The following EIF4E2 variants were observed in gnomAD, a reference collection of about 807,000 sequenced individuals.
The protein encoded by EIF4E2 is eukaryotic translation initiation factor 4E type 2.
Under a neutral mutation model 34.2 loss-of-function variants are expected in EIF4E2, and 13 were observed. The ratio of observed to expected loss-of-function variants is 0.38; its 90% CI spans 0.25 to 0.60. The LOEUF (loss-of-function observed/expected upper bound fraction) is 0.60. Ranked by LOEUF, EIF4E2 falls within the 20% of genes least tolerant of loss-of-function variation. The pLI is 0.62. For synonymous variants in EIF4E2, 100 were observed against 106.6 expected, an observed-to-expected ratio of 0.94 and a Z score of 0.38; for missense variants, 222 against 315.1, an observed-to-expected ratio of 0.70 and a Z score of 2.24.
chr2:232,567,167 A>G lies in EIF4E2; in HGVS notation c.618A>G (p.Leu206=). The change falls in exon 6 of 7, where the codon CTA becomes CTG. Residue 206 remains leucine, a synonymous_variant. Coordinates refer to ENST00000258416, the MANE Select transcript of EIF4E2 (RefSeq NM_004846.4). The part of the protein sequence containing the change: ...IRDTLRRVLN[L]PPNTIMEYKT... Reference sequence around the variant, plus strand: ...ACACACTTCGGCGAGTGCTTAACCTACCTCCCAACACCATTATGGAATACA... The same window carrying G: ...ACACACTTCGGCGAGTGCTTAACCTGCCTCCCAACACCATTATGGAATACA... 6.2e-7 allele frequency: 1 copy of G among 1,614,072 alleles called. No individual in the cohort carries two copies. Among genetic ancestry groups the G allele is most frequent in the Non-Finnish European group, 8.5e-7 (1 of 1,180,016 alleles).
chr2:232,568,739 T>G, intron 6 of EIF4E2: 2 of 985,462 alleles, frequency 2.0e-6, no homozygotes, highest in Non-Finnish European at 2.4e-6. Flanking sequence ...TTACAGAGTT[T>G]AGGAGAGCCT....
At chr2:232,565,587 T>C (rs1692892694) in intron 4 of EIF4E2, among the ~76,000 whole-genome samples, 1 of 151,850 alleles carries the variant, frequency 6.6e-6, no homozygotes, top group Admixed American at 6.6e-5. Context: ...TGAGCCAAGA[T>C]TGTGCCACTG....
In EIF4E2 at chr2:232,556,548, A is replaced by G. The variant is rs993859399; in HGVS notation, c.135+18A>G. 3.9e-6 allele frequency: 6 copies of G among 1,551,170 alleles called. No homozygotes were observed. The highest frequency in any genetic ancestry group is 3.6e-5 in the Admixed American group (2 of 56,182). ...AGAGAAAGGTGAGTGTTGGCTGCAC[A>G]GATGTAGTTGCCTTTGAACTTGAGA... On this transcript the variant is annotated intron_variant, in intron 2 of 6. Transcript: ENST00000258416.
chr2:232,576,178 T>G (rs1241595215), intron 6 of EIF4E2, among the ~76,000 whole-genome samples: 2 of 150,402 alleles, frequency 1.3e-5, no homozygotes, highest in Non-Finnish European at 2.9e-5. Context: ...TACTCCAGCC[T>G]GGCAACAGAG....
At chr2:232,572,567 A>T (rs767382384), downstream of EIF4E2, among the ~76,000 whole-genome samples, 3 of 151,990 alleles carry the variant, frequency 2.0e-5, no homozygotes, top group Non-Finnish European at 4.4e-5. Context: ...GGGTTTCACC[A>T]TGTTTGCCAG....
At chr2:232,574,192 G>A, downstream of EIF4E2, 20 of 1,454,452 alleles carry the variant, frequency 1.4e-5, no homozygotes, top group Non-Finnish European at 1.7e-5. Context: ...TGGGGTTATT[G>A]TGTCTGCTCT....
intron 2 of EIF4E2, among the ~76,000 whole-genome samples, chr2:232,556,793 A>C (rs948483594): frequency 2.6e-5 from 4 of 152,238 alleles, no homozygotes; most frequent in African/African-American, 9.6e-5. Flanking sequence ...GAGCTTAACA[A>C]GGCTGTTAGC....
intron 1 of EIF4E2, chr2:232,551,211 G>A (rs1304756649): frequency 1.9e-5 from 9 of 480,834 alleles, no homozygotes; most frequent in Non-Finnish European, 3.4e-5. Context: ...TTTGGAGGAT[G>A]CAATGAGGTA....
chr2:232,579,125 C>CACAT (rs1165847626), intron 6 of EIF4E2, among the ~76,000 whole-genome samples: 1 of 5,988 alleles, frequency 1.7e-4, no homozygotes, highest in Non-Finnish European at 2.9e-4. Flanking sequence ...CTCAGAAATA[C>CACAT]ACACACACAC....
At chr2:232,582,644 T>A (rs1229184979) in exon 7 of EIF4E2, 1 of 152,224 alleles carries the variant, frequency 6.6e-6, no homozygotes, top group African/African-American at 2.4e-5. Context: ...AATTCAGATT[T>A]GCCGTGAAAA....
At chr2:232,552,025 A>G (rs1233508906) in intron 1 of EIF4E2, among the ~76,000 whole-genome samples, 1 of 152,134 alleles carries the variant, frequency 6.6e-6, no homozygotes, top group African/African-American at 2.4e-5. Context: ...CTCCAGATCC[A>G]AATCCTGCCT....
Position 232,567,063 on chromosome 2 carries a change from C to T in EIF4E2, c.529-15C>T. 1 of 1,611,344 alleles carries T rather than the reference C, an allele frequency of 6.2e-7. No homozygotes were observed. Among genetic ancestry groups the T allele is most frequent in the Non-Finnish European group, 8.5e-7 (1 of 1,178,470 alleles). Reference sequence around the variant, plus strand: ...CCCTGATTTGCTTTGATGATTCCTTCTGTTCCTCTGGTAGGAAGACATTAT... The same window carrying T: ...CCCTGATTTGCTTTGATGATTCCTTTTGTTCCTCTGGTAGGAAGACATTAT... On this transcript the variant is annotated splice_polypyrimidine_tract_variant and intron_variant, in intron 5 of 6. Coordinates refer to ENST00000258416, the MANE Select transcript of EIF4E2 (RefSeq NM_004846.4).
At chr2:232,552,387 A>AT (rs1019811505) in intron 1 of EIF4E2, among the ~76,000 whole-genome samples, 2 of 151,804 alleles carry the variant, frequency 1.3e-5, no homozygotes, top group Non-Finnish European at 2.9e-5. Flanking sequence ...ATTTTTTTGT[A>AT]TTTTTTGTAG....
chr2:232,573,358 A>T (rs1006017886), downstream of EIF4E2, among the ~76,000 whole-genome samples: 2 of 152,210 alleles, frequency 1.3e-5, no homozygotes, highest in Non-Finnish European at 2.9e-5. Context: ...CTTCAGACTT[A>T]GAAGCACCAT....
intron 6 of EIF4E2, among the ~76,000 whole-genome samples, chr2:232,579,432 A>G (rs1693296626): frequency 6.6e-6 from 1 of 152,178 alleles, no homozygotes; most frequent in East Asian, 1.9e-4. Context: ...CTTTTGAGAT[A>G]ACATCAGTTT....
chr2:232,567,547 G>A (rs1574671584), intron 6 of EIF4E2: 35 of 1,239,586 alleles, frequency 2.8e-5, no homozygotes, highest in Non-Finnish European at 3.4e-5. Context: ...TTTTCTTGCT[G>A]TTTTTTAAGA....
chr2:232,568,688 G>T (rs1048154099), intron 6 of EIF4E2: 3 of 985,324 alleles, frequency 3.0e-6, no homozygotes, highest in African/African-American at 1.7e-5. Flanking sequence ...ATACCATAAG[G>T]CAGTTCTTCG....
intron 1 of EIF4E2, among the ~76,000 whole-genome samples, chr2:232,554,188 T>C (rs1273440795): frequency 1.3e-5 from 2 of 152,204 alleles, no homozygotes; most frequent in African/African-American, 4.8e-5. Context: ...TCAGCCTAGG[T>C]TGGAAGAGGT....
chr2:232,572,689 T>C (rs990406245), downstream of EIF4E2, among the ~76,000 whole-genome samples: 2 of 152,186 alleles, frequency 1.3e-5, no homozygotes, highest in African/African-American at 4.8e-5. Context: ...CCCAGGTTCT[T>C]CATGTTGAGG....
Sources: gnomAD v4.1 joint callset for allele counts (sites outside exome capture counted in the v4.1 genomes callset) on GRCh38, gnomAD v4.1.1 for gene constraint, MANE v1.5 for transcripts, NCBI Gene and HGNC (gene_info 2026-07-23, HGNC 2026-07-21) for gene names.